Variants in BCL9L observed in about 807,000 individuals in gnomAD.
BCL9L encodes BCL9 like, also known as B-cell CLL/lymphoma 9-like protein.
A neutral mutation model predicts 99.4 loss-of-function variants in BCL9L; 19 were observed. That is an observed-to-expected ratio of 0.19 (90% CI 0.13 to 0.28). The LOEUF (loss-of-function observed/expected upper bound fraction) is 0.28. Ranked by LOEUF, BCL9L falls within the 10% of genes least tolerant of loss-of-function variation. The probability of loss-of-function intolerance (pLI) is 1.00; values close to 1 mark genes in which losing one functional copy is unlikely to be tolerated. For synonymous variants in BCL9L, 900 were observed against 854.8 expected, an observed-to-expected ratio of 1.05 and a Z score of -0.92; for missense variants, 2,023 against 2,101.6, an observed-to-expected ratio of 0.96 and a Z score of 0.73.
At position 118,901,765 on chromosome 11, in the gene BCL9L, G is replaced by A; in HGVS notation, c.1978C>T (p.Pro660Ser). The A allele has an allele frequency of 6.2e-7, 1 of 1,612,272 alleles. No individual in the cohort carries two copies. Among genetic ancestry groups the A allele is most frequent in the Middle Eastern group, 1.7e-4 (1 of 6,054 alleles). The change falls in exon 8 of 10, where the codon CCA becomes TCA. Residue 660 changes from proline (P) to serine (S), a missense_variant. By Grantham distance (74) the Pro-to-Ser change is moderately conservative. Transcript: ENST00000683865. The surrounding 1 kb of genome is among the most constrained non-coding windows in gnomAD (Gnocchi z 6.6). The stretch of plus-strand genomic sequence containing the variant: ...CGCTCCGCCTCACCCTGCCCACCTG[G>A]GTAGGGCATGGTGTTCTGGGCAAAA... Reference protein sequence around the residue: ...SNFAQNTMPYPGGQGEAERFM... With the variant: ...SNFAQNTMPYSGGQGEAERFM...
In BCL9L at chr11:118,902,038, C is replaced by T; in HGVS notation, c.1705G>A (p.Gly569Arg). The stretch of plus-strand genomic sequence containing the variant: ...CCCATTCCAGGTGGCCACTGATCCC[C>T]AGGCTTGCTGTGGTAAGGAGGCGGG... ...GPPPPYHSKP[G>R]DQWPPGMGAQ... The change falls in exon 8 of 10, where the codon GGG becomes AGG. Residue 569 changes from glycine to arginine, a missense_variant. By Grantham distance (125) the Gly-to-Arg change is moderately radical (BLOSUM62 -2). Around this residue, in one of 3 missense-constraint regions of BCL9L, gnomAD observed 1,116 missense variants for 1,194.6 expected, o/e 0.93. Transcript: ENST00000683865. This position sits in a 1 kb window ranked among gnomAD's most constrained non-coding sequence, Gnocchi z 7.8. The T allele has an allele frequency of 6.2e-7, 1 of 1,613,996 alleles. No individual in the cohort carries two copies. Among genetic ancestry groups the T allele is most frequent in the Non-Finnish European group, 8.5e-7 (1 of 1,180,002 alleles).
rs1591983624 is a variant in BCL9L, at chr11:118,903,623, C to T, written c.533-171G>A. ...GTTTCCACGATGGCAAGAGTGGTGA[C>T]CATGTGGAGAGCAGGGACAGAGAAA... On this transcript the variant is annotated intron_variant, in intron 5 of 9. Transcript: ENST00000683865. The surrounding 1 kb of genome is among the most constrained non-coding windows in gnomAD (Gnocchi z 5.6). 6.6e-6 allele frequency among the ~76,000 whole-genome samples: 1 copy of T among 152,184 alleles called. No individual in the cohort carries two copies. The highest frequency in any genetic ancestry group is 1.9e-4 in the East Asian group (1 of 5,204).
At chr11:118,907,327 C>T (rs974057729) in intron 5 of BCL9L, among the ~76,000 whole-genome samples, 156 bp downstream of exon 5, 3 of 152,198 alleles carry the variant, frequency 2.0e-5, no homozygotes, top group African/African-American at 4.8e-5. Context: ...AGAGGCGAGG[C>T]AGTTGCAGTG....
At chr11:118,913,377 C>G (rs1361157448) in intron 2 of BCL9L, among the ~76,000 whole-genome samples, 1 of 152,156 alleles carries the variant, frequency 6.6e-6, no homozygotes, top group Non-Finnish European at 1.5e-5. Flanking sequence ...CCCATTCTGG[C>G]CCACTGTCCC....
intron 3 of BCL9L, among the ~76,000 whole-genome samples, 154 bp downstream of exon 3, chr11:118,909,760 A>T (rs1279976818): frequency 6.6e-6 from 1 of 152,010 alleles, no homozygotes; most frequent in African/African-American, 2.4e-5. Flanking sequence ...AGGCCTTCCC[A>T]TGCTAACCCC....
Position 118,902,363 on chromosome 11 carries a change from G to A in BCL9L, c.1380C>T (p.Ser460=), listed in dbSNP as rs200574714. 2.9e-5 allele frequency: 44 copies of A among 1,535,854 alleles called. 1 individual carries two copies. In the South Asian group the frequency reaches 3.8e-4, roughly 13 times the overall value. ...AGGGTTCCTCATATTTCTTCAGCCC[G>A]CTGGGAGGGGCCGTGGGTGGCTGCT... ...PPQQPPTAPP[S]GLKKYEEPLQ... Residue 460 remains serine, a synonymous_variant, in exon 8 of 10, where the codon AGC becomes AGT. Transcript: ENST00000683865. This position sits in a 1 kb window ranked among gnomAD's most constrained non-coding sequence, Gnocchi z 7.8.
In BCL9L at chr11:118,897,216, G is replaced by A. The variant is rs78348329; in HGVS notation, c.*1199C>T. The A allele has an allele frequency of 6.6e-3, 1,025 of 155,202 alleles. 10 individuals carry two copies. The highest frequency in any genetic ancestry group is 0.023 in the African/African-American group (947 of 41,556). The allele number at this position is 155,202 out of a possible 1,614,324, so 9.6% of individuals were successfully genotyped here. Reference sequence around the variant, plus strand: ...CTTTGATAAGAAGTAGGTGGCAGCAGCCTCTGGAAAAGTCAGGGCCCTGGA... The same window carrying A: ...CTTTGATAAGAAGTAGGTGGCAGCAACCTCTGGAAAAGTCAGGGCCCTGGA... On this transcript the variant is annotated 3_prime_UTR_variant, in exon 10 of 10. Coordinates refer to ENST00000683865, the MANE Select transcript of BCL9L (RefSeq NM_001378213.1).
chr11:118,914,478 TG>T lies in BCL9L; in HGVS notation c.-77+4347del, dbSNP rs1940904450. ...CACCTCCCCTGATGGCTCACACTCT[TG>T]GCAGCAGCAGCACCTGGGGGCCCCA... is the stretch of plus-strand genomic sequence containing the variant. On this transcript the variant is annotated intron_variant, in intron 2 of 9. Transcript: ENST00000683865. The surrounding 1 kb of genome is among the most constrained non-coding windows in gnomAD (Gnocchi z 4.4). Among the ~76,000 whole-genome samples, 1 of 152,172 alleles carries T rather than the reference TG, an allele frequency of 6.6e-6. No individual in the cohort carries two copies. Among genetic ancestry groups the T allele is most frequent in the African/African-American group, 2.4e-5 (1 of 41,440 alleles).
intron 4 of BCL9L, 21 bp from the exon 5 acceptor site, chr11:118,907,623 A>G: frequency 6.2e-7 from 1 of 1,608,660 alleles, no homozygotes. Context: ...AGGACGGAGG[A>G]AAGAGTGAGT....
chr11:118,910,065 T>A, intron 2 of BCL9L, 50 bp from the exon 3 acceptor site: 7 of 1,268,846 alleles, frequency 5.5e-6, no homozygotes, highest in Non-Finnish European at 7.6e-6. Context: ...GGAGGGGGTG[T>A]CAGAGGGGGA....
Position 118,903,297 on chromosome 11 carries a change from C to T in BCL9L, c.688G>A (p.Gly230Ser), listed in dbSNP as rs1184204759. The change falls in exon 6 of 10, where the codon GGC becomes AGC. Residue 230 changes from glycine (G) to serine (S), a missense_variant. Around this residue, in one of 3 missense-constraint regions of BCL9L, gnomAD observed 1,116 missense variants for 1,194.6 expected, o/e 0.93. Coordinates refer to ENST00000683865, the MANE Select transcript of BCL9L (RefSeq NM_001378213.1). This position sits in a 1 kb window ranked among gnomAD's most constrained non-coding sequence, Gnocchi z 5.6. Reference protein sequence around the residue: ...DAPGGGGGGGGVPGKPPSQFV... With the variant: ...DAPGGGGGGGSVPGKPPSQFV... ...TGCGAGGGAGGCTTTCCGGGGACGC[C>T]CCCGCCCCCGCCCCCGCCCCCAGGG... The T allele has an allele frequency of 4.5e-6, 7 of 1,561,596 alleles. No homozygotes were observed. The highest frequency in any genetic ancestry group is 2.2e-4 in the Middle Eastern group (1 of 4,486).
intron 2 of BCL9L, among the ~76,000 whole-genome samples, chr11:118,911,628 T>C (rs1426168693): frequency 6.6e-6 from 1 of 152,222 alleles, no homozygotes; most frequent in Non-Finnish European, 1.5e-5. Context: ...GCTCGCTGAT[T>C]CTCAAAAGGA....
At chr11:118,923,740 C>A (rs1465316475) in intron 1 of BCL9L, among the ~76,000 whole-genome samples, 3 of 152,164 alleles carry the variant, frequency 2.0e-5, no homozygotes, top group Non-Finnish European at 4.4e-5. Context: ...AAGCAGGGAA[C>A]CCCTAGAGGG....
chr11:118,900,558 A>G lies in BCL9L; in HGVS notation c.3124+61T>C. 3 of 1,541,700 alleles carry G rather than the reference A, an allele frequency of 1.9e-6. No individual in the cohort carries two copies. On this transcript the variant is annotated intron_variant, in intron 8 of 9. Transcript: ENST00000683865. The surrounding 1 kb of genome is among the most constrained non-coding windows in gnomAD (Gnocchi z 5.3). Reference sequence around the variant, plus strand: ...TACTCACTCACTGCCCAGCCCCAGCATGGACACACTGCTCAGCGCCTGCCT... The same window carrying G: ...TACTCACTCACTGCCCAGCCCCAGCGTGGACACACTGCTCAGCGCCTGCCT...
Position 118,902,782 on chromosome 11 carries a change from G to C in BCL9L, c.961C>G (p.Leu321Val), listed in dbSNP as rs1227768171. Residue 321 changes from leucine (L) to valine (V), a missense_variant, in exon 8 of 10, where the codon CTG (leucine) becomes GTG (valine). Leu to Val is a conservative substitution (Grantham distance 32). Coordinates refer to ENST00000683865, the MANE Select transcript of BCL9L (RefSeq NM_001378213.1). The surrounding 1 kb of genome is among the most constrained non-coding windows in gnomAD (Gnocchi z 7.8). ...TCCTCAGGAGGCCCCTCTGGGGGCA[G>C]AGCAGGCGGGGCACTGCCAGGGGCC... ...PPAPGSAPPA[L>V]PPEGPPEDSS... 9 of 1,574,042 alleles carry C rather than the reference G, an allele frequency of 5.7e-6. No homozygotes were observed. Among genetic ancestry groups the C allele is most frequent in the African/African-American group, 5.4e-5 (4 of 74,426 alleles).
chr11:118,922,246 C>G lies in BCL9L; in HGVS notation c.-131+2992G>C, dbSNP rs1296604955. 4.6e-5 allele frequency among the ~76,000 whole-genome samples: 7 copies of G among 152,208 alleles called. No individual in the cohort carries two copies. The highest frequency in any genetic ancestry group is 8.8e-5 in the Non-Finnish European group (6 of 68,014). On this transcript the variant is annotated intron_variant, in intron 1 of 9. Coordinates refer to ENST00000683865, the MANE Select transcript of BCL9L (RefSeq NM_001378213.1). The surrounding 1 kb of genome is among the most constrained non-coding windows in gnomAD (Gnocchi z 6.2). The stretch of plus-strand genomic sequence containing the variant: ...GGAAATTCCAGGCTGTAAGTCCAGG[C>G]AGCCTTCAGGGCCGCCGAGCCAAGT...
intron 2 of BCL9L, 34 bp from the exon 3 acceptor site, chr11:118,910,049 A>G: frequency 6.8e-7 from 1 of 1,472,394 alleles, no homozygotes; most frequent in African/African-American, 1.4e-5. Context: ...AAAACTCGTG[A>G]CTTGGGGAGG....
rs1355953980 is a variant in BCL9L at position 118,925,735 on chromosome 11, G to A, written c.-628C>T. ...AGGGTCCGGGTCACAGCCCCCGGGC[G>A]GCGCGGCGCCGGGGGACCCAGGCGT... On this transcript the variant is annotated 5_prime_UTR_variant, in exon 1 of 10. Coordinates refer to ENST00000683865, the MANE Select transcript of BCL9L (RefSeq NM_001378213.1). The surrounding 1 kb of genome is among the most constrained non-coding windows in gnomAD (Gnocchi z 6.4). The A allele has an allele frequency of 6.7e-6, 1 of 150,330 alleles. No individual in the cohort carries two copies. The highest frequency in any genetic ancestry group is 1.5e-5 in the Non-Finnish European group (1 of 67,502). 9.3% of individuals were successfully genotyped at this position (150,330 alleles called of 1,614,324 possible).
In BCL9L at chr11:118,914,488, A is replaced by G. The variant is rs1940904956; in HGVS notation, c.-77+4338T>C. On this transcript the variant is annotated intron_variant, in intron 2 of 9. Transcript: ENST00000683865. The surrounding 1 kb of genome is among the most constrained non-coding windows in gnomAD (Gnocchi z 4.4). ...GATGGCTCACACTCTTGGCAGCAGC[A>G]GCACCTGGGGGCCCCACGAGCTCTG... is the stretch of plus-strand genomic sequence containing the variant. Among the ~76,000 whole-genome samples, 1 of 152,190 alleles carries G rather than the reference A, an allele frequency of 6.6e-6. No homozygotes were observed.
Sources: allele counts gnomAD v4.1 joint callset (sites outside exome capture counted in the v4.1 genomes callset), GRCh38; gene constraint gnomAD v4.1.1; regional missense constraint gnomAD v4.1.1; non-coding constraint Gnocchi (gnomAD v3.1); transcripts MANE v1.5; gene names NCBI Gene and HGNC (gene_info 2026-07-23, HGNC 2026-07-21).